CECR2: variants seen among roughly 807,000 people sequenced by gnomAD.
The protein encoded by CECR2 is chromatin remodeling regulator CECR2.
CECR2 carries 30 observed loss-of-function variants against 154.5 expected under a neutral mutation model. The ratio of observed to expected loss-of-function variants is 0.19; its 90% CI spans 0.15 to 0.26. The LOEUF (loss-of-function observed/expected upper bound fraction) is 0.26. Ranked by LOEUF, CECR2 falls within the 10% of genes least tolerant of loss-of-function variation. The pLI, the probability that CECR2 is intolerant of heterozygous loss-of-function variation, is 1.00. For missense variants in CECR2, 1,743 were observed against 1,829.3 expected, an observed-to-expected ratio of 0.95 and a Z score of 0.86; for synonymous variants, 725 against 683.7, an observed-to-expected ratio of 1.06 and a Z score of -0.94.
intron 1 of CECR2, among the ~76,000 whole-genome samples, chr22:17,445,576 A>ATTATTATT (rs1555910342): frequency 6.9e-6 from 1 of 145,094 alleles, no homozygotes; most frequent in Non-Finnish European, 1.5e-5. Context: ...TATTATTATT[A>ATTATTATT]TTATTATTAT....
upstream of CECR2, chr22:17,369,267 C>T (rs1331369149): frequency 1.3e-5 from 2 of 151,456 alleles, no homozygotes; most frequent in African/African-American, 4.8e-5. Flanking sequence ...GGGGTGCGGC[C>T]CGCGCCCCCT....
intron 1 of CECR2, among the ~76,000 whole-genome samples, chr22:17,453,270 C>G (rs763666108): frequency 1.3e-5 from 2 of 152,070 alleles, no homozygotes; most frequent in Non-Finnish European, 2.9e-5. Context: ...GGAGAAACCC[C>G]GTCTCTGCTA....
intron 9 of CECR2, among the ~76,000 whole-genome samples, chr22:17,524,519 A>G (rs1365895243): frequency 7.4e-6 from 1 of 134,592 alleles, no homozygotes; most frequent in Admixed American, 7.8e-5. Flanking sequence ...CAGCCTCCCA[A>G]GTAGCTGGGA....
intron 1 of CECR2, among the ~76,000 whole-genome samples, chr22:17,475,357 G>C (rs531729449): frequency 2.0e-5 from 3 of 152,160 alleles, no homozygotes; most frequent in Non-Finnish European, 4.4e-5. Flanking sequence ...GAAGAACACT[G>C]TACTCGGTGA....
At position 17,548,912 on chromosome 22, in the gene CECR2, T is replaced by C. The variant is rs574102509; in HGVS notation, c.3625T>C (p.Phe1209Leu). The part of the protein sequence containing the change: ...RTPYYACPQS[F>L]SDWQRPLHPQ... ...TCCTTACTATGCCTGTCCACAGAGCTTTTCTGACTGGCAGAGACCTCTCCA... is the reference window on the plus strand; with the variant it reads ...TCCTTACTATGCCTGTCCACAGAGCCTTTCTGACTGGCAGAGACCTCTCCA... The change falls in exon 17 of 19, where the codon TTT becomes CTT. Residue 1209 changes from phenylalanine (F) to leucine (L), a missense_variant. This residue lies in a region of CECR2 where 1,250 missense variants were observed against 1,192.1 expected (regional missense o/e 1.05). Coordinates refer to ENST00000262608, the MANE Select transcript of CECR2 (RefSeq NM_001290047.2). 321 of 1,613,344 alleles carry C rather than the reference T, an allele frequency of 2.0e-4. No individual in the cohort carries two copies. Among genetic ancestry groups the C allele is most frequent in the Non-Finnish European group, 2.6e-4 (309 of 1,179,610 alleles).
intron 2 of CECR2, among the ~76,000 whole-genome samples, chr22:17,495,779 G>A (rs1393759487): frequency 4.1e-5 from 6 of 146,042 alleles, no homozygotes; most frequent in African/African-American, 1.5e-4. Flanking sequence ...GGAGAATGGC[G>A]TGAACCTGGG....
At chr22:17,404,985 T>C (rs1310974259) in intron 1 of CECR2, among the ~76,000 whole-genome samples, 2 of 152,204 alleles carry the variant, frequency 1.3e-5, no homozygotes, top group African/African-American at 2.4e-5. Flanking sequence ...ATGGTACCTC[T>C]CTCTCTCTAG....
At chr22:17,536,011 G>A (rs140562662) in intron 9 of CECR2, among the ~76,000 whole-genome samples, 1,619 of 152,266 alleles carry the variant, frequency 0.011, 29 homozygotes, top group African/African-American at 0.038. Flanking sequence ...CACTTTGGGA[G>A]GCTGAGGTGG....
chr22:17,517,946 T>C (rs774459482), intron 8 of CECR2, among the ~76,000 whole-genome samples: 6 of 152,324 alleles, frequency 3.9e-5, no homozygotes, highest in Non-Finnish European at 8.8e-5. Flanking sequence ...ACTCAGTCAC[T>C]GTTGCAGATA....
intron 1 of CECR2, among the ~76,000 whole-genome samples, chr22:17,474,056 G>C (rs1246600637): frequency 6.6e-6 from 1 of 152,240 alleles, no homozygotes; most frequent in African/African-American, 2.4e-5. Flanking sequence ...ACTAACTGGG[G>C]GGGGTTTATA....
intron 1 of CECR2, among the ~76,000 whole-genome samples, chr22:17,380,236 C>G (rs989638786): frequency 6.6e-5 from 10 of 152,192 alleles, no homozygotes; most frequent in African/African-American, 1.4e-4. Flanking sequence ...CAGTTTTCTC[C>G]TCTTTAGAGG....
At chr22:17,392,021 C>T (rs539469362) in intron 1 of CECR2, among the ~76,000 whole-genome samples, 2 of 152,138 alleles carry the variant, frequency 1.3e-5, no homozygotes, top group African/African-American at 2.4e-5. Context: ...AGGCTGGTCT[C>T]GAACTCTCGA....
intron 14 of CECR2, 107 bp downstream of exon 14, chr22:17,540,907 TGGAATC>T: frequency 7.4e-6 from 9 of 1,220,240 alleles, no homozygotes; most frequent in South Asian, 2.0e-5. Context: ...CGTGTATGTA[TGGAATC>T]TTTTTCCCTG....
At chr22:17,549,680 A>C in intron 17 of CECR2, 116 bp downstream of exon 17, 1 of 925,694 alleles carries the variant, frequency 1.1e-6, no homozygotes, top group South Asian at 1.8e-5. Flanking sequence ...TGGTGTGATC[A>C]TGGCTCACGG....
At chr22:17,454,666 G>T (rs572428706) in intron 1 of CECR2, among the ~76,000 whole-genome samples, 106 of 151,252 alleles carry the variant, frequency 7.0e-4, no homozygotes, top group African/African-American at 2.4e-3. Flanking sequence ...AAACAGGTCT[G>T]TTGCCCTTGA....
chr22:17,392,432 G>A (rs2063335771), intron 1 of CECR2, among the ~76,000 whole-genome samples: 1 of 152,104 alleles, frequency 6.6e-6, no homozygotes. Context: ...AGGTTGCAGT[G>A]AGCCAAGATC....
intron 4 of CECR2, among the ~76,000 whole-genome samples, chr22:17,500,158 C>G (rs1225851605): frequency 6.7e-6 from 1 of 149,854 alleles, no homozygotes; most frequent in Non-Finnish European, 1.5e-5. Flanking sequence ...TTGCAGTGAG[C>G]CGAGATCGCA....
At chr22:17,527,540 G>A (rs1569143669) in intron 9 of CECR2, among the ~76,000 whole-genome samples, 1 of 152,168 alleles carries the variant, frequency 6.6e-6, no homozygotes, top group African/African-American at 2.4e-5. Context: ...GCCGAGGCGG[G>A]CAGATGACTT....
At chr22:17,505,636 C>T (rs560717059) in intron 7 of CECR2, among the ~76,000 whole-genome samples, 4 of 145,646 alleles carry the variant, frequency 2.7e-5, no homozygotes, top group African/African-American at 5.1e-5. Context: ...CAAGTTCAAG[C>T]GATTCTCCTG....
Sources: gnomAD v4.1 joint callset for allele counts (sites outside exome capture counted in the v4.1 genomes callset) on GRCh38, gnomAD v4.1.1 for gene constraint, gnomAD v4.1.1 regional missense constraint, MANE v1.5 for transcripts, NCBI Gene and HGNC (gene_info 2026-07-23, HGNC 2026-07-21) for gene names.